Variants in LRIG2 observed in about 807,000 individuals in gnomAD.
LRIG2 encodes the protein leucine-rich repeats and immunoglobulin-like domains protein 2.
In LRIG2, 93 loss-of-function variants were observed where a neutral mutation model predicts 107.8. That is an observed-to-expected ratio of 0.86 (90% CI 0.73 to 1.03). LRIG2 has a LOEUF of 1.03. Ranked by LOEUF, LRIG2 falls within the 50% of genes least tolerant of loss-of-function variation. The pLI is 0.00. For missense variants in LRIG2, 1,226 were observed against 1,296.0 expected (o/e 0.95, Z 0.83); for synonymous variants, 471 against 470.6 (o/e 1.00, Z -0.01).
intron 6 of LRIG2, 53 bp from the exon 7 acceptor site, chr1:113,095,821 A>T (rs529123099): frequency 1.2e-6 from 2 of 1,600,008 alleles, no homozygotes; most frequent in Non-Finnish European, 1.7e-6. Context: ...AAAGCTAGTT[A>T]TTGAACTGCC....
Position 113,097,436 on chromosome 1 carries a change from G to C in LRIG2, c.1091+1071G>C, listed in dbSNP as rs202045563. Reference sequence around the variant, plus strand: ...AGGGAAAACAAGATAATTTTGTGAAGGGTATATACATGCACAGGTGTGTAT... The same window carrying C: ...AGGGAAAACAAGATAATTTTGTGAACGGTATATACATGCACAGGTGTGTAT... On this transcript the variant is annotated intron_variant, in intron 8 of 17. Transcript: ENST00000361127. Among the ~76,000 whole-genome samples, 8 of 8,052 alleles carry C rather than the reference G, an allele frequency of 9.9e-4. No homozygotes were observed. The Non-Finnish European group carries it at 0.17, about 168-fold the overall frequency. The allele number at this position is 8,052 out of a possible 152,430, so 5.3% of individuals were successfully genotyped here. A position where few individuals can be genotyped will look rare whatever the true frequency, so the allele number is the denominator to read the frequency against.
At chr1:113,087,530 G>A (rs1286843808) in intron 1 of LRIG2, among the ~76,000 whole-genome samples, 2 of 151,954 alleles carry the variant, frequency 1.3e-5, no homozygotes, top group African/African-American at 4.8e-5. Context: ...TGTATTTTTT[G>A]TAGAGACGGG....
chr1:113,115,137 T>C (rs992860535), intron 15 of LRIG2, among the ~76,000 whole-genome samples: 1 of 152,228 alleles, frequency 6.6e-6, no homozygotes, highest in East Asian at 1.9e-4. Context: ...AAGGGAGTTT[T>C]TGTTGTTAAA....
rs772823741 is a variant in LRIG2 at position 113,096,231 on chromosome 1, C to T, written c.957C>T (p.Ser319=). Residue 319 remains serine (S), a synonymous_variant, in exon 8 of 18, where the codon TCC becomes TCT. Transcript: ENST00000361127. ...CATTTCTTGTTTTCAGTGATTTGTC[C>T]TATAACCAGCTGACCCGCCTGGATG... The part of the protein sequence containing the change: ...FCQRLSELDL[S]YNQLTRLDES... The T allele has an allele frequency of 5.6e-6, 9 of 1,613,468 alleles. No individual in the cohort carries two copies. The East Asian group carries it at 1.6e-4, about 28-fold the overall frequency.
chr1:113,107,419 A>G (rs1654586058), intron 11 of LRIG2, among the ~76,000 whole-genome samples, 175 bp from the exon 12 acceptor site: 1 of 151,958 alleles, frequency 6.6e-6, no homozygotes. Context: ...AGTGTCTTTC[A>G]TGAGGTTGAT....
intron 1 of LRIG2, among the ~76,000 whole-genome samples, chr1:113,077,795 T>C (rs1400520121): frequency 6.6e-6 from 1 of 151,942 alleles, no homozygotes; most frequent in Admixed American, 6.6e-5. Flanking sequence ...TGCAGGTTTG[T>C]TACATATGTA....
Position 113,094,596 on chromosome 1 carries a change from A to C in LRIG2, c.660-16A>C. The C allele has an allele frequency of 6.2e-7, 1 of 1,606,656 alleles. No individual in the cohort carries two copies. Among genetic ancestry groups the C allele is most frequent in the South Asian group, 1.1e-5 (1 of 89,930 alleles). ...AGCAAACCAATTTCCTGACTGTAAA[A>C]CTATTTTTGTTAAAGGGAACTTAAA... On this transcript the variant is annotated splice_polypyrimidine_tract_variant and intron_variant, in intron 5 of 17. Transcript: ENST00000361127.
chr1:113,107,331 C>G lies in LRIG2; in HGVS notation c.1314-263C>G, dbSNP rs1778019. Reference sequence around the variant, plus strand: ...ATTTTTTTTTCAATCAAGGATCACACATTTCATTTTATTGTAATGATTCTT... The same window carrying G: ...ATTTTTTTTTCAATCAAGGATCACAGATTTCATTTTATTGTAATGATTCTT... On this transcript the variant is annotated intron_variant, in intron 11 of 17. Coordinates refer to ENST00000361127, the MANE Select transcript of LRIG2 (RefSeq NM_014813.3). Among the ~76,000 whole-genome samples, 131,689 of 152,102 alleles carry G rather than the reference C, an allele frequency of 0.87. 59,516 individuals carry two copies. Among genetic ancestry groups the G allele is most frequent in the Non-Finnish European group, 0.98 (66,852 of 68,022 alleles).
chr1:113,123,303 G>C (rs1201341137), intron 17 of LRIG2, among the ~76,000 whole-genome samples: 1 of 152,092 alleles, frequency 6.6e-6, no homozygotes, highest in East Asian at 1.9e-4. Context: ...GGCCGGGCAC[G>C]GTGGCTCACG....
intron 2 of LRIG2, 115 bp from the exon 3 acceptor site, chr1:113,093,091 T>G (rs916827414): frequency 1.5e-6 from 1 of 649,632 alleles, no homozygotes; most frequent in Admixed American, 3.3e-5. Flanking sequence ...TTCTGAGTCA[T>G]ATTCTTTTTC....
intron 13 of LRIG2, 106 bp downstream of exon 13, chr1:113,110,668 C>G: frequency 1.2e-6 from 1 of 818,046 alleles, no homozygotes; most frequent in South Asian, 1.8e-5. Flanking sequence ...AAGTAGGACT[C>G]TTACTGTTAT....
intron 17 of LRIG2, among the ~76,000 whole-genome samples, chr1:113,123,232 A>G (rs1452401699): frequency 6.6e-6 from 1 of 152,254 alleles, no homozygotes; most frequent in Non-Finnish European, 1.5e-5. Flanking sequence ...TACAATATGG[A>G]TACCATTTTG....
At chr1:113,100,312 C>T in intron 10 of LRIG2, 30 bp downstream of exon 10, 1 of 1,548,128 alleles carries the variant, frequency 6.5e-7, no homozygotes, top group Non-Finnish European at 8.9e-7. Flanking sequence ...TTTGCTTACT[C>T]TATAAATAAT....
At chr1:113,084,302 G>C (rs979765958) in intron 1 of LRIG2, among the ~76,000 whole-genome samples, 120 of 142,292 alleles carry the variant, frequency 8.4e-4, no homozygotes, top group Middle Eastern at 3.9e-3. Context: ...TGCAACCTCT[G>C]CCTCCCGGGT....
At chr1:113,074,886 A>C (rs548053410) in intron 1 of LRIG2, among the ~76,000 whole-genome samples, 3 of 115,536 alleles carry the variant, frequency 2.6e-5, no homozygotes, top group African/African-American at 9.6e-5. Flanking sequence ...TCCAGCCTGA[A>C]AACAGAGCGA....
In LRIG2 at chr1:113,114,542, T is replaced by C. The variant is rs765944754; in HGVS notation, c.2196T>C (p.Asp732=). 6.2e-7 allele frequency: 1 copy of C among 1,614,128 alleles called. No homozygotes were observed. The highest frequency in any genetic ancestry group is 8.5e-7 in the Non-Finnish European group (1 of 1,180,018). ...CCCCTCGTCTCAACTGGACTAAAGA[T>C]GATGGGCCTTTGCTGGTGACAGAAC... is the stretch of plus-strand genomic sequence containing the variant. ...SPAPRLNWTK[D]DGPLLVTERH... is the part of the protein sequence containing the mutation. Residue 732 remains aspartate (D), a synonymous_variant, in exon 15 of 18, where the codon GAT becomes GAC. Coordinates refer to ENST00000361127, the MANE Select transcript of LRIG2 (RefSeq NM_014813.3).
intron 11 of LRIG2, among the ~76,000 whole-genome samples, chr1:113,104,643 T>A (rs1046340758): frequency 6.6e-6 from 1 of 151,984 alleles, no homozygotes; most frequent in African/African-American, 2.4e-5. Context: ...GCCTCCTGAA[T>A]AGCTGGGATT....
At chr1:113,104,581 G>A (rs930336704) in intron 11 of LRIG2, among the ~76,000 whole-genome samples, 12 of 150,956 alleles carry the variant, frequency 7.9e-5, no homozygotes, top group East Asian at 7.9e-4. Context: ...GCAGTGGCAC[G>A]ATCTCAGCTC....
chr1:113,073,675 A>C, intron 1 of LRIG2, 30 bp downstream of exon 1: 1 of 1,588,036 alleles, frequency 6.3e-7, no homozygotes, highest in Non-Finnish European at 8.6e-7. Context: ...AGAGTGACCA[A>C]AAGGAGGGGG....
Sources: gnomAD v4.1 joint callset for allele counts (sites outside exome capture counted in the v4.1 genomes callset) on GRCh38, gnomAD v4.1.1 for gene constraint, MANE v1.5 for transcripts, NCBI Gene and HGNC (gene_info 2026-07-23, HGNC 2026-07-21) for gene names.